Variants in CLYBL observed in about 807,000 individuals in gnomAD.
The protein encoded by CLYBL is citramalyl-CoA lyase, mitochondrial.
A neutral mutation model predicts 38.9 loss-of-function variants in CLYBL; 31 were observed. The observed-to-expected ratio is 0.80, with a 90% CI of 0.60 to 1.08. CLYBL has a LOEUF of 1.08. Among genes scored for constraint, CLYBL ranks in the 50% least tolerant of loss-of-function variants. The probability of loss-of-function intolerance (pLI) is 0.00; values close to 1 mark genes in which losing one functional copy is unlikely to be tolerated. For missense variants in CLYBL, 434 were observed against 411.6 expected (o/e 1.05, Z -0.47); for synonymous variants, 171 against 158.6 (o/e 1.08, Z -0.59).
intron 1 of CLYBL, among the ~76,000 whole-genome samples, chr13:99,720,030 A>G (rs1403997371): frequency 6.6e-6 from 1 of 152,010 alleles, no homozygotes; most frequent in Non-Finnish European, 1.5e-5. Context: ...CTAATTTTAT[A>G]TACTATGCTG....
At chr13:99,683,263 G>A (rs1232444828) in intron 1 of CLYBL, among the ~76,000 whole-genome samples, 1 of 148,922 alleles carries the variant, frequency 6.7e-6, no homozygotes, top group Non-Finnish European at 1.5e-5. Flanking sequence ...TGTGTTTTTA[G>A]TAGAGACATG....
intron 1 of CLYBL, among the ~76,000 whole-genome samples, chr13:99,621,850 CA>C (rs949134679): frequency 1.3e-5 from 2 of 151,720 alleles, no homozygotes; most frequent in Non-Finnish European, 2.9e-5. Flanking sequence ...CCAGGGAAGC[CA>C]AAAAAACTGG....
intron 1 of CLYBL, among the ~76,000 whole-genome samples, chr13:99,687,610 G>A (rs1483025953): frequency 6.6e-6 from 1 of 152,188 alleles, no homozygotes; most frequent in East Asian, 1.9e-4. Context: ...CCATTAAAGG[G>A]TTTTTAATAG....
intron 2 of CLYBL, among the ~76,000 whole-genome samples, chr13:99,854,227 C>T (rs1365914945): frequency 6.6e-6 from 1 of 152,068 alleles, no homozygotes; most frequent in African/African-American, 2.4e-5. Context: ...AACAACTATA[C>T]ATTAACATTC....
chr13:99,627,893 G>A (rs1353786843), intron 1 of CLYBL, among the ~76,000 whole-genome samples: 1 of 152,152 alleles, frequency 6.6e-6, no homozygotes, highest in Non-Finnish European at 1.5e-5. Context: ...AGATATACCT[G>A]CACATGTGAA....
At chr13:99,710,147 C>G (rs955604207) in intron 1 of CLYBL, among the ~76,000 whole-genome samples, 6 of 151,996 alleles carry the variant, frequency 3.9e-5, no homozygotes, top group Non-Finnish European at 7.4e-5. Flanking sequence ...CTGCTGACCT[C>G]GTGATCTGCC....
intron 1 of CLYBL, among the ~76,000 whole-genome samples, chr13:99,665,530 A>C (rs930316423): frequency 1.3e-5 from 2 of 152,076 alleles, no homozygotes; most frequent in African/African-American, 4.8e-5. Context: ...AGTGAAAAAA[A>C]TTATTAAACT....
At chr13:99,677,027 CT>C (rs1410491830) in intron 1 of CLYBL, among the ~76,000 whole-genome samples, 2 of 151,592 alleles carry the variant, frequency 1.3e-5, no homozygotes, top group Admixed American at 1.3e-4. Context: ...AAATTGTCCC[CT>C]TTTTTTCCCA....
At chr13:99,801,755 A>T (rs908062865) in intron 2 of CLYBL, among the ~76,000 whole-genome samples, 2 of 152,122 alleles carry the variant, frequency 1.3e-5, no homozygotes, top group African/African-American at 4.8e-5. Context: ...AGTGGCTCAC[A>T]CCTGTAATCC....
At chr13:99,696,402 A>AT (rs757270375) in intron 1 of CLYBL, among the ~76,000 whole-genome samples, 3 of 151,662 alleles carry the variant, frequency 2.0e-5, no homozygotes, top group East Asian at 2.0e-4. Context: ...GCTAATTTTT[A>AT]GTTTTTTTAT....
intron 2 of CLYBL, among the ~76,000 whole-genome samples, chr13:99,852,056 A>T (rs549345274): frequency 1.9e-4 from 29 of 152,230 alleles, no homozygotes; most frequent in Non-Finnish European, 3.5e-4. Context: ...GAATCTTGAA[A>T]CATACTAAGT....
intron 1 of CLYBL, among the ~76,000 whole-genome samples, chr13:99,708,045 G>A (rs760860644): frequency 3.3e-5 from 5 of 152,068 alleles, no homozygotes; most frequent in East Asian, 1.9e-4. Flanking sequence ...TTGAAGTGGC[G>A]CAATCTCAGC....
At chr13:99,827,215 A>T (rs2050711771) in intron 2 of CLYBL, among the ~76,000 whole-genome samples, 1 of 152,152 alleles carries the variant, frequency 6.6e-6, no homozygotes, top group African/African-American at 2.4e-5. Context: ...GTTACGTGTG[A>T]GCCTTTTCAA....
intron 1 of CLYBL, among the ~76,000 whole-genome samples, chr13:99,639,493 T>A (rs1594096142): frequency 6.6e-6 from 1 of 152,212 alleles, no homozygotes; most frequent in South Asian, 2.1e-4. Flanking sequence ...CTCCGATGGT[T>A]TAGCAGTCAT....
chr13:99,664,208 CT>C (rs1309187980), intron 1 of CLYBL, among the ~76,000 whole-genome samples: 1 of 152,180 alleles, frequency 6.6e-6, no homozygotes, highest in Non-Finnish European at 1.5e-5. Context: ...AAAAGTTTTC[CT>C]GTGTTCTTAG....
In CLYBL at chr13:99,616,825, G is replaced by A. The variant is rs112771937; in HGVS notation, c.62+10068G>A. Reference sequence around the variant, plus strand: ...ACAAAAATTAGCCTGGTGTGGTTGCGCATGCCTGTAGTCCCAGCTACTCAG... The same window carrying A: ...ACAAAAATTAGCCTGGTGTGGTTGCACATGCCTGTAGTCCCAGCTACTCAG... On this transcript the variant is annotated intron_variant, in intron 1 of 8. Coordinates refer to ENST00000339105, the MANE Select transcript of CLYBL (RefSeq NM_206808.5). Among the ~76,000 whole-genome samples, 777 of 152,096 alleles carry A rather than the reference G, an allele frequency of 5.1e-3. 11 individuals are homozygous for A. Among genetic ancestry groups the A allele is most frequent in the African/African-American group, 0.017 (714 of 41,482 alleles).
rs564680582 is a variant in CLYBL, at chr13:99,823,171, CTG to C, written c.250-35688_250-35687del. ...TTTAAAAATGTTTCATTACTCAGGA[CTG>C]TAGTTTACATTACGATTCTTTGTGT... is the stretch of plus-strand genomic sequence containing the variant. On this transcript the variant is annotated intron_variant, in intron 2 of 8. Coordinates refer to ENST00000339105, the MANE Select transcript of CLYBL (RefSeq NM_206808.5). Among the ~76,000 whole-genome samples the C allele has an allele frequency of 3.8e-4, 58 of 152,302 alleles. 1 individual carries two copies. Among genetic ancestry groups the C allele is most frequent in the African/African-American group, 1.3e-3 (55 of 41,564 alleles).
chr13:99,851,140 A>G (rs1382457216), intron 2 of CLYBL, among the ~76,000 whole-genome samples: 1 of 152,056 alleles, frequency 6.6e-6, no homozygotes, highest in Non-Finnish European at 1.5e-5. Flanking sequence ...TGGGAGGCTG[A>G]GTGGGTCACC....
chr13:99,698,861 G>T (rs914536708), intron 1 of CLYBL, among the ~76,000 whole-genome samples: 3 of 152,282 alleles, frequency 2.0e-5, no homozygotes, highest in African/African-American at 7.2e-5. Context: ...CAGCATAAAA[G>T]CTCTGTGTCC....
Sources: allele counts gnomAD v4.1 joint callset (sites outside exome capture counted in the v4.1 genomes callset), GRCh38; gene constraint gnomAD v4.1.1; transcripts MANE v1.5; gene names NCBI Gene and HGNC (gene_info 2026-07-23, HGNC 2026-07-21).